The following ERICH3 variants were observed in gnomAD, a reference collection of about 807,000 sequenced individuals.
ERICH3 encodes the protein glutamate rich 3.
A neutral mutation model predicts 131.1 loss-of-function variants in ERICH3; 126 were observed. The observed-to-expected ratio is 0.96, with a 90% CI of 0.83 to 1.11. The LOEUF (loss-of-function observed/expected upper bound fraction) is 1.11. ERICH3 is among the 50% of genes most tolerant of loss of function. The probability of loss-of-function intolerance (pLI) is 0.00; values close to 1 mark genes in which losing one functional copy is unlikely to be tolerated. For missense variants in ERICH3, 2,050 were observed against 1,810.7 expected, an observed-to-expected ratio of 1.13 and a Z score of -2.40; for synonymous variants, 695 against 644.6, an observed-to-expected ratio of 1.08 and a Z score of -1.18.
intron 7 of ERICH3, chr1:74,626,224 A>G (rs1649411013): frequency 6.6e-6 from 1 of 152,154 alleles, no homozygotes; most frequent in African/African-American, 2.4e-5. Flanking sequence ...TGGATGTGCA[A>G]TGCACAAGGA....
At chr1:74,607,449 G>A (rs1354304116) in intron 9 of ERICH3, among the ~76,000 whole-genome samples, 1 of 151,946 alleles carries the variant, frequency 6.6e-6, no homozygotes, top group Non-Finnish European at 1.5e-5. Flanking sequence ...TACAAGATTG[G>A]CTCTAAATAA....
rs1028427971 is a variant in ERICH3, at chr1:74,569,236, A to C, written c.*1222T>G. 2.0e-5 allele frequency: 3 copies of C among 150,062 alleles called. No homozygotes were observed. The highest frequency in any genetic ancestry group is 4.5e-5 in the Non-Finnish European group (3 of 67,000). 9.3% of individuals were successfully genotyped at this position (150,062 alleles called of 1,614,324 possible). On this transcript the variant is annotated 3_prime_UTR_variant, in exon 15 of 15. Transcript: ENST00000326665. The stretch of plus-strand genomic sequence containing the variant: ...TCCATCTAAAACGAATTAAGTCTGA[A>C]TCTCTGGGGTGGGGAAAAGGGTTGA...
At chr1:74,636,135 C>T (rs1184384321) in intron 6 of ERICH3, 145 bp downstream of exon 6, 7 of 632,536 alleles carry the variant, frequency 1.1e-5, no homozygotes, top group Non-Finnish European at 1.7e-5. Context: ...TAATTAATCA[C>T]AAGTATGTAG....
chr1:74,629,848 G>A (rs1019305156), intron 7 of ERICH3, among the ~76,000 whole-genome samples: 4 of 152,100 alleles, frequency 2.6e-5, no homozygotes, highest in South Asian at 2.1e-4. Flanking sequence ...GCATATAAGC[G>A]ATAGAACTCT....
chr1:74,629,637 T>C (rs1649526906), intron 7 of ERICH3, among the ~76,000 whole-genome samples: 1 of 152,168 alleles, frequency 6.6e-6, no homozygotes, highest in African/African-American at 2.4e-5. Flanking sequence ...GGACATCCAG[T>C]GTCTGGCTCA....
At chr1:74,648,558 G>T (rs559279720) in intron 2 of ERICH3, among the ~76,000 whole-genome samples, 2 of 152,248 alleles carry the variant, frequency 1.3e-5, no homozygotes, top group East Asian at 3.9e-4. Context: ...AATGCAATAC[G>T]TGCTCTTTCA....
intron 1 of ERICH3, among the ~76,000 whole-genome samples, chr1:74,650,843 T>C (rs1646527228): frequency 6.6e-6 from 1 of 151,088 alleles, no homozygotes; most frequent in South Asian, 2.1e-4. Flanking sequence ...ACTGTGTGTG[T>C]GTGTGTGTGT....
intron 10 of ERICH3, among the ~76,000 whole-genome samples, chr1:74,603,975 C>T (rs998884004): frequency 4.0e-5 from 6 of 151,822 alleles, no homozygotes; most frequent in African/African-American, 1.2e-4. Flanking sequence ...CTTCCTTTCA[C>T]GAAGATTTAT....
intron 1 of ERICH3, among the ~76,000 whole-genome samples, chr1:74,673,114 A>T (rs979899597): frequency 1.3e-5 from 2 of 152,188 alleles, no homozygotes; most frequent in Non-Finnish European, 2.9e-5. Flanking sequence ...CTCATTCTCA[A>T]ATCTCCAAAC....
In ERICH3 at chr1:74,612,784, C is replaced by A. The variant is rs774141417; in HGVS notation, c.1026G>T (p.Arg342Ser). 3 of 1,584,990 alleles carry A rather than the reference C, an allele frequency of 1.9e-6. No individual in the cohort carries two copies. Among genetic ancestry groups the A allele is most frequent in the Non-Finnish European group, 2.6e-6 (3 of 1,157,698 alleles). ...EKETFQFISK[R>S]HHGFPFSLTF... ...TGAGACTGAAGGGGAAACCATGATG[C>A]CTTTTGGAAATAAACTGAAAGGTCT... The change falls in exon 9 of 15, where the codon AGG becomes AGT. Residue 342 changes from arginine (R) to serine (S), a missense_variant. Transcript: ENST00000326665.
At position 74,643,078 on chromosome 1, in the gene ERICH3, T is replaced by G; in HGVS notation, c.264A>C (p.Ile88=). ...LDMERYHQLE[I]KKKLETLARK... ...TAGCTAAGGTCTCCAATTTCTTTTTTATTTCAAGCTGATGGTAACGCTAAG... is the reference window on the plus strand; with the variant it reads ...TAGCTAAGGTCTCCAATTTCTTTTTGATTTCAAGCTGATGGTAACGCTAAG... Residue 88 remains isoleucine (I), a synonymous_variant, in exon 4 of 15, where the codon ATA becomes ATC. Coordinates refer to ENST00000326665, the MANE Select transcript of ERICH3 (RefSeq NM_001002912.5). The G allele has an allele frequency of 6.2e-7, 1 of 1,611,266 alleles. No homozygotes were observed. The highest frequency in any genetic ancestry group is 1.1e-5 in the South Asian group (1 of 90,982).
Position 74,569,482 on chromosome 1 carries a change from G to A in ERICH3, c.*976C>T, listed in dbSNP as rs1484785628. On this transcript the variant is annotated 3_prime_UTR_variant, in exon 15 of 15. Transcript: ENST00000326665. ...AGTAATTTAGAATGCAGTTGTTACTGTTGATTTATAATGAACTGCAAGGTT... is the reference window on the plus strand; with the variant it reads ...AGTAATTTAGAATGCAGTTGTTACTATTGATTTATAATGAACTGCAAGGTT... The A allele has an allele frequency of 6.6e-6, 1 of 152,130 alleles. No individual in the cohort carries two copies. The highest frequency in any genetic ancestry group is 1.5e-5 in the Non-Finnish European group (1 of 68,012). 9.4% of individuals were successfully genotyped at this position (152,130 alleles called of 1,614,324 possible).
At chr1:74,630,007 G>C (rs1011287249) in intron 7 of ERICH3, among the ~76,000 whole-genome samples, 4 of 152,094 alleles carry the variant, frequency 2.6e-5, no homozygotes, top group Admixed American at 6.6e-5. Context: ...TGCTTGCTTG[G>C]TTATTGTTGT....
rs142469567 is a variant in ERICH3 at position 74,654,087 on chromosome 1, C to A, written c.24-4772G>T. On this transcript the variant is annotated intron_variant, in intron 1 of 14. Coordinates refer to ENST00000326665, the MANE Select transcript of ERICH3 (RefSeq NM_001002912.5). ...TCCATTTGAAACCTCATTAAAATGA[C>A]CTTTACCATCTGTATTTCCACCAAT... Among the ~76,000 whole-genome samples, 1,047 of 152,216 alleles carry A rather than the reference C, an allele frequency of 6.9e-3. 6 individuals are homozygous for A. The highest frequency in any genetic ancestry group is 0.031 in the Middle Eastern group (9 of 294).
At chr1:74,618,182 C>A (rs2218354) in intron 8 of ERICH3, among the ~76,000 whole-genome samples, 19,125 of 151,962 alleles carry the variant, frequency 0.13, 1,397 homozygotes, top group South Asian at 0.25. Flanking sequence ...AATTAAAAAC[C>A]GTTAATATAA....
Position 74,641,415 on chromosome 1 carries a change from C to G in ERICH3, c.360G>C (p.Leu120=). The G allele has an allele frequency of 6.2e-7, 1 of 1,610,682 alleles. No individual in the cohort carries two copies. Among genetic ancestry groups the G allele is most frequent in the Non-Finnish European group, 8.5e-7 (1 of 1,178,952 alleles). ...RRSVENNMPI[L]SPHPPVGPKS... is the part of the protein sequence containing the mutation. ...TTGGGCCAACTGGTGGGTGGGGAGACAGGATTGGCATGTTATTTTCAACAG... is the reference window on the plus strand; with the variant it reads ...TTGGGCCAACTGGTGGGTGGGGAGAGAGGATTGGCATGTTATTTTCAACAG... Residue 120 remains leucine, a synonymous_variant, in exon 5 of 15, where the codon CTG becomes CTC. Coordinates refer to ENST00000326665, the MANE Select transcript of ERICH3 (RefSeq NM_001002912.5).
intron 11 of ERICH3, among the ~76,000 whole-genome samples, chr1:74,595,014 A>G (rs1647781764): frequency 6.6e-6 from 1 of 152,116 alleles, no homozygotes; most frequent in South Asian, 2.1e-4. Flanking sequence ...AGTGGATCCA[A>G]TATGCTTTTC....
chr1:74,578,799 T>G (rs1287932000), intron 12 of ERICH3, among the ~76,000 whole-genome samples: 4 of 152,142 alleles, frequency 2.6e-5, no homozygotes, highest in African/African-American at 7.2e-5. Context: ...GTTTCTTGCT[T>G]AGTTTAAAGT....
chr1:74,660,462 CTCTT>C (rs1383545349), intron 1 of ERICH3, among the ~76,000 whole-genome samples: 1 of 151,464 alleles, frequency 6.6e-6, no homozygotes, highest in Non-Finnish European at 1.5e-5. Context: ...AATCTGATCA[CTCTT>C]TATTTATATT....
Sources: allele counts gnomAD v4.1 joint callset (sites outside exome capture counted in the v4.1 genomes callset), GRCh38; gene constraint gnomAD v4.1.1; transcripts MANE v1.5; gene names NCBI Gene and HGNC (gene_info 2026-07-23, HGNC 2026-07-21).